The following TSHZ2 variants were observed in gnomAD, a reference collection of about 807,000 sequenced individuals.
TSHZ2 encodes teashirt homolog 2.
In TSHZ2, 21 loss-of-function variants were observed where a neutral mutation model predicts 74.4. That is an observed-to-expected ratio of 0.28 (90% CI 0.20 to 0.41). TSHZ2 has a LOEUF of 0.41. TSHZ2 is among the 10% of genes least tolerant of loss of function. The pLI, the probability that TSHZ2 is intolerant of heterozygous loss-of-function variation, is 1.00. For synonymous variants in TSHZ2, 540 were observed against 515.3 expected (o/e 1.05, Z -0.65); for missense variants, 1,244 against 1,293.5 (o/e 0.96, Z 0.59).
intron 1 of TSHZ2, among the ~76,000 whole-genome samples, chr20:53,119,503 G>A (rs1377876201): frequency 6.6e-6 from 1 of 152,164 alleles, no homozygotes; most frequent in African/African-American, 2.4e-5. Context: ...CCAGCGCTAT[G>A]CTGCCCAGCA....
chr20:53,396,256 G>T (rs1982441764), intron 2 of TSHZ2, among the ~76,000 whole-genome samples: 1 of 152,152 alleles, frequency 6.6e-6, no homozygotes, highest in Non-Finnish European at 1.5e-5. Context: ...GTTTTAATGA[G>T]AATAATACAA....
At chr20:53,331,498 T>C (rs959941693) in intron 2 of TSHZ2, among the ~76,000 whole-genome samples, 1 of 151,868 alleles carries the variant, frequency 6.6e-6, no homozygotes, top group Admixed American at 6.6e-5. Flanking sequence ...ATGCACGACC[T>C]CTGAGGGGAG....
chr20:52,992,560 G>C (rs1357677373), intron 1 of TSHZ2, among the ~76,000 whole-genome samples: 1 of 152,094 alleles, frequency 6.6e-6, no homozygotes, highest in Non-Finnish European at 1.5e-5. Context: ...CAGCCCTTCT[G>C]TTTACTGTCA....
intron 2 of TSHZ2, among the ~76,000 whole-genome samples, chr20:53,374,399 C>T (rs1981586666): frequency 6.6e-6 from 1 of 152,156 alleles, no homozygotes. Flanking sequence ...CACTGATAGG[C>T]ATTTAGGTTG....
chr20:53,479,036 A>G (rs1568936101), intron 2 of TSHZ2, among the ~76,000 whole-genome samples: 1 of 152,044 alleles, frequency 6.6e-6, no homozygotes, highest in Non-Finnish European at 1.5e-5. Flanking sequence ...GTGGTGGCGC[A>G]TGCCTGTAAT....
chr20:53,058,179 C>T (rs1984702421), intron 1 of TSHZ2, among the ~76,000 whole-genome samples: 1 of 152,130 alleles, frequency 6.6e-6, no homozygotes, highest in Non-Finnish European at 1.5e-5. Flanking sequence ...GGCCATAAGA[C>T]TCTCTGGCCC....
chr20:53,149,880 C>T (rs1383152029), intron 1 of TSHZ2, among the ~76,000 whole-genome samples: 1 of 152,208 alleles, frequency 6.6e-6, no homozygotes, highest in Non-Finnish European at 1.5e-5. Flanking sequence ...TATCTCCTTG[C>T]AGCTTCTCTC....
At chr20:53,201,668 A>C (rs1392493864) in intron 1 of TSHZ2, among the ~76,000 whole-genome samples, 1 of 152,162 alleles carries the variant, frequency 6.6e-6, no homozygotes, top group Non-Finnish European at 1.5e-5. Context: ...CGCCTGTCAC[A>C]AGGGACAAGG....
At chr20:53,043,136 C>T (rs892931407) in intron 1 of TSHZ2, among the ~76,000 whole-genome samples, 19 of 151,896 alleles carry the variant, frequency 1.3e-4, no homozygotes, top group South Asian at 6.3e-4. Context: ...TGCATGGAGA[C>T]GGGATAAAGG....
chr20:53,129,078 T>A (rs957643073), intron 1 of TSHZ2, among the ~76,000 whole-genome samples: 1 of 152,160 alleles, frequency 6.6e-6, no homozygotes. Flanking sequence ...TGCACTAAGA[T>A]ATATGTAAAA....
At chr20:53,472,965 GCAC>G (rs1985870678) in intron 2 of TSHZ2, among the ~76,000 whole-genome samples, 1 of 151,970 alleles carries the variant, frequency 6.6e-6, no homozygotes, top group African/African-American at 2.4e-5. Flanking sequence ...AAAAAACGGC[GCAC>G]CACGAGATTA....
In TSHZ2 at chr20:53,029,734, A is replaced by G. The variant is rs1983568863; in HGVS notation, c.40+56401A>G. Among the ~76,000 whole-genome samples the G allele has an allele frequency of 2.0e-5, 3 of 152,214 alleles. No individual in the cohort carries two copies. The South Asian group carries it at 6.2e-4, about 32-fold the overall frequency. On this transcript the variant is annotated intron_variant, in intron 1 of 2. Coordinates refer to ENST00000371497, the MANE Select transcript of TSHZ2 (RefSeq NM_173485.6). ...TGCAATTCATATGGATGGATGTTGG[A>G]AAGATGTGTGGCGAGGTGAACAAGC... is the stretch of plus-strand genomic sequence containing the variant.
intron 1 of TSHZ2, among the ~76,000 whole-genome samples, chr20:53,215,975 T>A (rs970385812): frequency 1.3e-5 from 2 of 152,084 alleles, no homozygotes; most frequent in Non-Finnish European, 2.9e-5. Context: ...CTGCCCTTTT[T>A]CCCCTAAGGC....
rs1472054729 is a variant in TSHZ2, at chr20:53,182,166, CTTTCTTTCTTCCTTCCT to C, written c.41-71322_41-71306del. On this transcript the variant is annotated intron_variant, in intron 1 of 2. Transcript: ENST00000371497. ...CTCCCTCCCTCCCTCTCTTCCTTTT[CTTTCTTTCTTCCTTCCT>C]TTTCTTTCTTTCTTCTTCTCTTCCT... is the stretch of plus-strand genomic sequence containing the variant. 1.1e-4 allele frequency among the ~76,000 whole-genome samples: 10 copies of C among 87,202 alleles called. 1 individual carries two copies. The East Asian group carries it at 2.5e-3, about 21-fold the overall frequency. The allele number at this position is 87,202 out of a possible 152,430, so 57.2% of individuals were successfully genotyped here.
chr20:53,463,426 GGAAGGAA>G (rs1384806887), intron 2 of TSHZ2, among the ~76,000 whole-genome samples: 2,859 of 116,972 alleles, frequency 0.024, 112 homozygotes, highest in Middle Eastern at 0.057. Context: ...AAGGAAGGAA[GGAAGGAA>G]GGAGGGAGGG....
Position 53,071,612 on chromosome 20 carries a change from G to T in TSHZ2, c.40+98279G>T, listed in dbSNP as rs1227442358. 6.6e-5 allele frequency among the ~76,000 whole-genome samples: 10 copies of T among 152,244 alleles called. No individual in the cohort carries two copies. The East Asian group carries it at 1.9e-3, about 29-fold the overall frequency. ...TGGCTTAAAAAGCCAGGCCAATTTT[G>T]GGGGAAGGGTCTATCTCACGGACCT... On this transcript the variant is annotated intron_variant, in intron 1 of 2. Transcript: ENST00000371497.
chr20:53,269,123 A>G (rs941859820), intron 2 of TSHZ2, among the ~76,000 whole-genome samples: 3 of 152,168 alleles, frequency 2.0e-5, no homozygotes, highest in Admixed American at 2.0e-4. Flanking sequence ...TAGGTCAGAT[A>G]GTGTACAGGG....
intron 1 of TSHZ2, among the ~76,000 whole-genome samples, chr20:52,996,607 T>A (rs1982204797): frequency 6.6e-6 from 1 of 152,132 alleles, no homozygotes; most frequent in Non-Finnish European, 1.5e-5. Flanking sequence ...GACTAACTGG[T>A]TGGATTGCAA....
At chr20:53,305,261 A>G (rs1371457329) in intron 2 of TSHZ2, among the ~76,000 whole-genome samples, 2 of 152,210 alleles carry the variant, frequency 1.3e-5, no homozygotes, top group African/African-American at 4.8e-5. Flanking sequence ...TTAAATGCTG[A>G]AAACACCTCG....
Sources: gnomAD v4.1 joint callset for allele counts (sites outside exome capture counted in the v4.1 genomes callset) on GRCh38, gnomAD v4.1.1 for gene constraint, MANE v1.5 for transcripts, NCBI Gene and HGNC (gene_info 2026-07-23, HGNC 2026-07-21) for gene names.